Variants in ZNF737 observed in about 807,000 individuals in gnomAD.
The protein encoded by ZNF737 is zinc finger protein 102 (Y3).
ZNF737 carries 13 observed loss-of-function variants against 11.7 expected under a neutral mutation model. That is an observed-to-expected ratio of 1.11 (90% CI 0.73 to 1.77). The LOEUF is 1.77. Ranked by LOEUF, ZNF737 falls within the 40% of genes most tolerant of loss-of-function variation. ZNF737 has a pLI of 0.00. For synonymous variants in ZNF737, 217 were observed against 216.2 expected, an observed-to-expected ratio of 1.00 and a Z score of -0.03; for missense variants, 636 against 638.0, an observed-to-expected ratio of 1.00 and a Z score of 0.03.
chr19:20,533,162 T>C (rs1271540468), downstream of ZNF737, among the ~76,000 whole-genome samples: 2 of 150,220 alleles, frequency 1.3e-5, no homozygotes, highest in Admixed American at 6.6e-5. Context: ...TAGTAAGTAT[T>C]CATCTTCCAG....
Position 20,542,469 on chromosome 19 carries a change from T to C in ZNF737, c.*2123A>G, listed in dbSNP as rs1433169242. The C allele has an allele frequency of 1.4e-6, 1 of 736,974 alleles. No individual in the cohort carries two copies. Among genetic ancestry groups the C allele is most frequent in the Non-Finnish European group, 1.7e-6 (1 of 603,348 alleles). 45.7% of individuals were successfully genotyped at this position (736,974 alleles called of 1,614,324 possible). Reference sequence around the variant, plus strand: ...CTGGTCTCGAACTCCTGACCTCAGGTGATCTGCCCACCTTGGCCTCCCAAA... The same window carrying C: ...CTGGTCTCGAACTCCTGACCTCAGGCGATCTGCCCACCTTGGCCTCCCAAA... On this transcript the variant is annotated 3_prime_UTR_variant, in exon 4 of 4. Transcript: ENST00000427401.
chr19:20,530,410 A>AC, the ZNF737 span, among the ~76,000 whole-genome samples: 387 of 134,338 alleles, frequency 2.9e-3, 23 homozygotes, highest in African/African-American at 0.011. Context: ...ACGGGGGCTG[A>AC]CCCCCCACCT....
intron 3 of ZNF737, 39 bp downstream of exon 3, chr19:20,552,436 T>C (rs896072172): frequency 2.1e-6 from 3 of 1,451,954 alleles, no homozygotes; most frequent in Non-Finnish European, 2.8e-6. Flanking sequence ...GGACCTCTTA[T>C]CTGTGTCGTC....
intron 1 of ZNF737, among the ~76,000 whole-genome samples, chr19:20,560,931 GAAGACT>G (rs1186383081): frequency 6.6e-6 from 1 of 152,160 alleles, no homozygotes; most frequent in Non-Finnish European, 1.5e-5. Flanking sequence ...GTGGAGGGTG[GAAGACT>G]AAGAGAATCA....
In ZNF737 at chr19:20,538,004, C is replaced by T. The variant is rs1358621407; in HGVS notation, c.*6588G>A. On this transcript the variant is annotated 3_prime_UTR_variant, in exon 4 of 4. Transcript: ENST00000427401. ...TTCTGAGGCAGAGTAAGATTTATAACATTTTATTATCATATGGAAGAAGTG... is the reference window on the plus strand; with the variant it reads ...TTCTGAGGCAGAGTAAGATTTATAATATTTTATTATCATATGGAAGAAGTG... The T allele has an allele frequency of 4.2e-6, 4 of 949,582 alleles. No individual in the cohort carries two copies. The highest frequency in any genetic ancestry group is 3.8e-6 in the Non-Finnish European group (3 of 797,552). 58.8% of individuals were successfully genotyped at this position (949,582 alleles called of 1,614,324 possible). A position where few individuals can be genotyped will look rare whatever the true frequency, so the allele number is the denominator to read the frequency against.
At chr19:20,550,798 G>C (rs538873103) in intron 3 of ZNF737, among the ~76,000 whole-genome samples, 5 of 152,342 alleles carry the variant, frequency 3.3e-5, no homozygotes, top group South Asian at 4.1e-4. Flanking sequence ...GTGAAATGCT[G>C]TTAAAGCGTA....
chr19:20,556,530 G>T (rs991055726), intron 1 of ZNF737, among the ~76,000 whole-genome samples: 1 of 152,134 alleles, frequency 6.6e-6, no homozygotes, highest in Admixed American at 6.5e-5. Context: ...GTTTGAAAAG[G>T]GTCCATGAAT....
In ZNF737 at chr19:20,538,771, T is replaced by G. The variant is rs1243183886; in HGVS notation, c.*5821A>C. 2.4e-5 allele frequency: 24 copies of G among 985,308 alleles called. No homozygotes were observed. The highest frequency in any genetic ancestry group is 2.9e-5 in the Non-Finnish European group (24 of 829,944). 61.0% of individuals were successfully genotyped at this position (985,308 alleles called of 1,614,324 possible). On this transcript the variant is annotated 3_prime_UTR_variant, in exon 4 of 4. Transcript: ENST00000427401. Reference sequence around the variant, plus strand: ...CACATGCACCCAATAGAGTCTTAATTTAATTGGGCTGTTATTTGCATAGCT... The same window carrying G: ...CACATGCACCCAATAGAGTCTTAATGTAATTGGGCTGTTATTTGCATAGCT...
downstream of ZNF737, chr19:20,536,044 A>G (rs1220993644): frequency 4.1e-6 from 4 of 977,440 alleles, no homozygotes; most frequent in South Asian, 4.7e-5. Flanking sequence ...GAGAAGACAC[A>G]TTTACCTTTT....
chr19:20,533,805 G>A (rs7256690), downstream of ZNF737, among the ~76,000 whole-genome samples: 55,505 of 149,244 alleles, frequency 0.37, 12,533 homozygotes, highest in East Asian at 0.5. Context: ...TTAGCTGATC[G>A]GGATCACCTG....
At chr19:20,560,089 C>T (rs1240817480) in intron 1 of ZNF737, among the ~76,000 whole-genome samples, 4 of 149,150 alleles carry the variant, frequency 2.7e-5, no homozygotes, top group Non-Finnish European at 5.9e-5. Context: ...TGGCGTGAAC[C>T]CGGGAAGCGG....
the ZNF737 span, among the ~76,000 whole-genome samples, chr19:20,530,730 C>T: frequency 6.1e-5 from 9 of 147,926 alleles, no homozygotes; most frequent in African/African-American, 2.0e-4. Flanking sequence ...CAGAGACCCT[C>T]CTCACTTTCC....
intron 3 of ZNF737, among the ~76,000 whole-genome samples, chr19:20,549,839 A>G (rs1968600583): frequency 1.3e-5 from 2 of 151,378 alleles, no homozygotes; most frequent in Admixed American, 1.3e-4. Context: ...CTGAGGTATG[A>G]GAATAGCTTG....
chr19:20,559,393 A>G (rs1968998928), intron 1 of ZNF737, among the ~76,000 whole-genome samples: 1 of 152,232 alleles, frequency 6.6e-6, no homozygotes, highest in South Asian at 2.1e-4. Context: ...GCTTTTCAAA[A>G]GAAAATATAC....
Position 20,545,896 on chromosome 19 carries a change from A to G in ZNF737, c.307T>C (p.Tyr103His). 6.2e-7 allele frequency: 1 copy of G among 1,607,440 alleles called. No homozygotes were observed. The highest frequency in any genetic ancestry group is 8.5e-7 in the Non-Finnish European group (1 of 1,178,186). ...DSFQKVTLRR[Y>H]ENYGHDNLQF... ...AAATTGTCATGTCCATAGTTTTCAT[A>G]TCTTCTCAGTGTCACTTTTTGGAAA... Residue 103 changes from tyrosine to histidine, a missense_variant, in exon 4 of 4, where the codon TAT (tyrosine) becomes CAT (histidine). Tyr to His is a moderately conservative substitution (Grantham distance 83, BLOSUM62 2). Coordinates refer to ENST00000427401, the MANE Select transcript of ZNF737 (RefSeq NM_001159293.2).
Position 20,545,377 on chromosome 19 carries a change from T to C in ZNF737, c.826A>G (p.Lys276Glu), listed in dbSNP as rs377319280. 4.6e-4 allele frequency: 736 copies of C among 1,613,846 alleles called. 2 individuals are homozygous for C. The highest frequency in any genetic ancestry group is 1.1e-3 in the Admixed American group (63 of 59,970). The part of the protein sequence containing the change: ...FKRSSNLTTH[K>E]IIHTGEKPYK... ...GGTTTCTCTCCAGTATGAATTATCTTATGTGTAGTAAGGTTAGAGGAGCGC... is the reference window on the plus strand; with the variant it reads ...GGTTTCTCTCCAGTATGAATTATCTCATGTGTAGTAAGGTTAGAGGAGCGC... The change falls in exon 4 of 4, where the codon AAG becomes GAG. Residue 276 changes from lysine (K) to glutamate (E), a missense_variant. By Grantham distance (56) the Lys-to-Glu change is moderately conservative. Coordinates refer to ENST00000427401, the MANE Select transcript of ZNF737 (RefSeq NM_001159293.2).
In ZNF737 at chr19:20,542,964, T is replaced by C. The variant is rs564136652; in HGVS notation, c.*1628A>G. 573 of 984,596 alleles carry C rather than the reference T, an allele frequency of 5.8e-4. 3 individuals are homozygous for C. In the South Asian group the frequency reaches 0.01, roughly 18 times the overall value. 61.0% of individuals were successfully genotyped at this position (984,596 alleles called of 1,614,324 possible). ...AATTACAATGCTTCCAAAAATCTAC[T>C]CCTTTTAAAGTTAAATAGAAATCAT... On this transcript the variant is annotated 3_prime_UTR_variant, in exon 4 of 4. Transcript: ENST00000427401.
downstream of ZNF737, among the ~76,000 whole-genome samples, chr19:20,537,668 C>T (rs1267107993): frequency 3.3e-5 from 5 of 149,782 alleles, no homozygotes; most frequent in Non-Finnish European, 1.5e-5. Context: ...AGGTGCATGC[C>T]ACTATGCCCG....
Position 20,542,948 on chromosome 19 carries a change from G to A in ZNF737, c.*1644C>T. On this transcript the variant is annotated 3_prime_UTR_variant, in exon 4 of 4. Transcript: ENST00000427401. ...AGTATACTTTCAACGTAATTACAAT[G>A]CTTCCAAAAATCTACTCCTTTTAAA... is the stretch of plus-strand genomic sequence containing the variant. The A allele has an allele frequency of 9.1e-6, 9 of 984,916 alleles. No individual in the cohort carries two copies. Among genetic ancestry groups the A allele is most frequent in the Non-Finnish European group, 1.1e-5 (9 of 829,674 alleles). The allele number at this position is 984,916 out of a possible 1,614,324, so 61.0% of individuals were successfully genotyped here. A position where few individuals can be genotyped will look rare whatever the true frequency, so the allele number is the denominator to read the frequency against.
Sources: gnomAD v4.1 joint callset for allele counts (sites outside exome capture counted in the v4.1 genomes callset) on GRCh38, gnomAD v4.1.1 for gene constraint, MANE v1.5 for transcripts, NCBI Gene and HGNC (gene_info 2026-07-23, HGNC 2026-07-21) for gene names.